Variants in BLTP3A observed in about 807,000 individuals in gnomAD.
BLTP3A encodes the protein bridge-like lipid transfer protein family member 3A.
the BLTP3A span, among the ~76,000 whole-genome samples, chr6:34,828,256 G>A: frequency 1.3e-5 from 2 of 151,834 alleles, no homozygotes; most frequent in Non-Finnish European, 2.9e-5. Context: ...TTCAAGACCA[G>A]TCTGATCAAC....
chr6:34,840,858 C>T, the BLTP3A span, among the ~76,000 whole-genome samples: 1 of 152,058 alleles, frequency 6.6e-6, no homozygotes, highest in Non-Finnish European at 1.5e-5. Context: ...CCTTGTGATC[C>T]GCCTTGGCCT....
the BLTP3A span, among the ~76,000 whole-genome samples, chr6:34,848,965 T>G: frequency 5.9e-5 from 9 of 151,276 alleles, no homozygotes; most frequent in African/African-American, 2.2e-4. Context: ...TTTTTTTTTT[T>G]TTTTGGTGCG....
At chr6:34,858,755 G>C in the BLTP3A span, 3 of 1,614,208 alleles carry the variant, frequency 1.9e-6, no homozygotes, top group South Asian at 3.3e-5. Context: ...GGCAGTAGTG[G>C]TATGGACAAC....
the BLTP3A span, among the ~76,000 whole-genome samples, chr6:34,836,888 GA>G: frequency 6.6e-6 from 1 of 152,126 alleles, no homozygotes; most frequent in Non-Finnish European, 1.5e-5. Context: ...TATTCAGAAT[GA>G]AAAAAACTAA....
the BLTP3A span, among the ~76,000 whole-genome samples, chr6:34,829,076 C>G: frequency 6.7e-6 from 1 of 149,784 alleles, no homozygotes; most frequent in Non-Finnish European, 1.5e-5. Flanking sequence ...AGAAGCCAAG[C>G]CAGCATAATT....
chr6:34,854,078 C>T, the BLTP3A span, among the ~76,000 whole-genome samples: 2 of 151,958 alleles, frequency 1.3e-5, no homozygotes, highest in South Asian at 2.1e-4. Flanking sequence ...AAAAATGAGC[C>T]GGACATGGTG....
At chr6:34,835,493 G>C in the BLTP3A span, 1 of 1,607,890 alleles carries the variant, frequency 6.2e-7, no homozygotes, top group Non-Finnish European at 8.5e-7. Context: ...ACCCTTAGTG[G>C]GGCTAGGGAC....
At chr6:34,811,674 A>ACC in the BLTP3A span, among the ~76,000 whole-genome samples, 545 of 75,586 alleles carry the variant, frequency 7.2e-3, 16 homozygotes, top group African/African-American at 0.033. Flanking sequence ...ACATGGTGAG[A>ACC]CCCCCCCCCC....
chr6:34,852,363 T>G, the BLTP3A span, among the ~76,000 whole-genome samples: 1 of 152,132 alleles, frequency 6.6e-6, no homozygotes, highest in Admixed American at 6.5e-5. Context: ...CAGGACTGGG[T>G]CCTTCCCTTC....
the BLTP3A span, among the ~76,000 whole-genome samples, chr6:34,846,640 T>C: frequency 3.3e-5 from 5 of 152,240 alleles, no homozygotes; most frequent in African/African-American, 1.2e-4. Context: ...CTGAATTTGT[T>C]TATTGGTTCT....
chr6:34,849,593 A>G, the BLTP3A span, among the ~76,000 whole-genome samples: 1 of 152,148 alleles, frequency 6.6e-6, no homozygotes, highest in African/African-American at 2.4e-5. Flanking sequence ...TCAAGATATG[A>G]GTAGTTCATA....
At chr6:34,835,373 T>C in the BLTP3A span, 1 of 1,614,100 alleles carries the variant, frequency 6.2e-7, no homozygotes, top group Non-Finnish European at 8.5e-7. Context: ...GACTCACAGC[T>C]CAAGGCTATG....
the BLTP3A span, among the ~76,000 whole-genome samples, chr6:34,826,026 A>ATTC: frequency 5.1e-3 from 389 of 76,634 alleles, 16 homozygotes; most frequent in African/African-American, 0.016. Flanking sequence ...TACATTTTGC[A>ATTC]TTTTTTTTTT....
the BLTP3A span, among the ~76,000 whole-genome samples, chr6:34,844,829 T>A: frequency 6.6e-6 from 1 of 152,226 alleles, no homozygotes; most frequent in African/African-American, 2.4e-5. Flanking sequence ...TGATTGCTTC[T>A]TTTTCTGTGC....
chr6:34,850,251 G>A, the BLTP3A span, among the ~76,000 whole-genome samples: 1 of 152,174 alleles, frequency 6.6e-6, no homozygotes, highest in South Asian at 2.1e-4. Flanking sequence ...TCCTTTGAAT[G>A]TTATTTATTT....
the BLTP3A span, among the ~76,000 whole-genome samples, chr6:34,808,950 G>A: frequency 6.6e-6 from 1 of 152,118 alleles, no homozygotes; most frequent in African/African-American, 2.4e-5. Context: ...GGCTCATATA[G>A]TTTCATTGGT....
the BLTP3A span, among the ~76,000 whole-genome samples, chr6:34,830,592 C>T: frequency 2.7e-5 from 4 of 149,628 alleles, no homozygotes; most frequent in African/African-American, 4.9e-5. Flanking sequence ...TCTGTCTCGG[C>T]GGGGAAAAAA....
the BLTP3A span, among the ~76,000 whole-genome samples, chr6:34,809,013 T>C: frequency 6.6e-6 from 1 of 152,222 alleles, no homozygotes; most frequent in East Asian, 1.9e-4. Context: ...CAGAAATTAT[T>C]TTAGGAAATA....
the BLTP3A span, chr6:34,858,895 A>G: frequency 2.8e-4 from 452 of 1,614,146 alleles, 7 homozygotes; most frequent in East Asian, 9.0e-3. Flanking sequence ...GGTGCTGCAG[A>G]GGCTTCAGGA....
Sources: allele counts gnomAD v4.1 joint callset (sites outside exome capture counted in the v4.1 genomes callset), GRCh38; gene constraint gnomAD v4.1.1; transcripts MANE v1.5; gene names NCBI Gene and HGNC (gene_info 2026-07-23, HGNC 2026-07-21).